The following SUN2 variants were observed in gnomAD, a reference collection of about 807,000 sequenced individuals.
SUN2 encodes the protein SUN domain-containing protein 2.
A neutral mutation model predicts 100.0 loss-of-function variants in SUN2; 60 were observed. That is an observed-to-expected ratio of 0.60 (90% CI 0.49 to 0.74). The LOEUF (loss-of-function observed/expected upper bound fraction) is 0.74. SUN2 is among the 30% of genes least tolerant of loss of function. The probability of loss-of-function intolerance (pLI) is 0.00; values close to 1 mark genes in which losing one functional copy is unlikely to be tolerated. For synonymous variants in SUN2, 367 were observed against 403.3 expected, an observed-to-expected ratio of 0.91 and a Z score of 1.08; for missense variants, 834 against 954.6, an observed-to-expected ratio of 0.87 and a Z score of 1.66.
In SUN2 at chr22:38,739,481, T is replaced by A; in HGVS notation, c.1579-55A>T. ...AGCAGGGAGCAGACGTGTCCCCCTG[T>A]CACCTCGTGGCCGTGGGCCAAGGAC... On this transcript the variant is annotated intron_variant, in intron 13 of 17. Coordinates refer to ENST00000689035, the MANE Select transcript of SUN2 (RefSeq NM_015374.3). This position sits in a 1 kb window ranked among gnomAD's most constrained non-coding sequence, Gnocchi z 6.7. 6.3e-7 allele frequency: 1 copy of A among 1,590,118 alleles called. No homozygotes were observed. Among genetic ancestry groups the A allele is most frequent in the Non-Finnish European group, 8.6e-7 (1 of 1,161,654 alleles).
In SUN2 at chr22:38,739,246, T is replaced by C; in HGVS notation, c.1663+96A>G. The C allele has an allele frequency of 7.3e-7, 1 of 1,368,088 alleles. No homozygotes were observed. Among genetic ancestry groups the C allele is most frequent in the Non-Finnish European group, 1.0e-6 (1 of 958,364 alleles). The allele number at this position is 1,368,088 out of a possible 1,614,324, so 84.7% of individuals were successfully genotyped here. A position where few individuals can be genotyped will look rare whatever the true frequency, so the allele number is the denominator to read the frequency against. On this transcript the variant is annotated intron_variant, in intron 14 of 17. Transcript: ENST00000689035. The surrounding 1 kb of genome is among the most constrained non-coding windows in gnomAD (Gnocchi z 6.7). ...GGGTGATTTCTGCTGATCCTGAGCT[T>C]TGCTTGCTCTGCCCCACCACCAACC...
Position 38,738,444 on chromosome 22 carries a change from G to A in SUN2, c.1947+143C>T. The A allele has an allele frequency of 8.2e-7, 1 of 1,213,236 alleles. No homozygotes were observed. The allele number at this position is 1,213,236 out of a possible 1,614,324, so 75.2% of individuals were successfully genotyped here. On this transcript the variant is annotated intron_variant, in intron 16 of 17. Coordinates refer to ENST00000689035, the MANE Select transcript of SUN2 (RefSeq NM_015374.3). The surrounding 1 kb of genome is among the most constrained non-coding windows in gnomAD (Gnocchi z 6.6). ...AGCCTAAGGTAACAGGGACTGAAGT[G>A]CTGTCTCCCACCCTAGCTCCTCCTC...
chr22:38,748,621 C>T, intron 7 of SUN2, 92 bp downstream of exon 7: 1 of 1,441,556 alleles, frequency 6.9e-7, no homozygotes, highest in South Asian at 1.1e-5. Context: ...GCACACCCCA[C>T]CCAGTCTTGC....
At chr22:38,753,365 G>A (rs563109916) in intron 1 of SUN2, among the ~76,000 whole-genome samples, 15 of 151,724 alleles carry the variant, frequency 9.9e-5, no homozygotes, top group African/African-American at 2.7e-4. Flanking sequence ...ACAGGTGTGC[G>A]CCACCGGGAC....
Position 38,751,268 on chromosome 22 carries a change from G to A in SUN2, c.228C>T (p.His76=), listed in dbSNP as rs776253942. 6.8e-6 allele frequency: 11 copies of A among 1,614,026 alleles called. 1 individual carries two copies. Among genetic ancestry groups the A allele is most frequent in the South Asian group, 5.5e-5 (5 of 91,086 alleles). ...HTSYYSESLV[H]ESWFPPRSSL... Reference sequence around the variant, plus strand: ...AGCTCCTGGGTGGGAACCAGGACTCGTGGACCAGCGACTCACTGTAGTAGG... The same window carrying A: ...AGCTCCTGGGTGGGAACCAGGACTCATGGACCAGCGACTCACTGTAGTAGG... Residue 76 remains histidine (H), a synonymous_variant, in exon 3 of 18, where the codon CAC becomes CAT. Coordinates refer to ENST00000689035, the MANE Select transcript of SUN2 (RefSeq NM_015374.3).
chr22:38,751,253 T>G lies in SUN2; in HGVS notation c.243A>C (p.Pro81=), dbSNP rs745316329. The G allele has an allele frequency of 7.4e-6, 12 of 1,613,734 alleles. No individual in the cohort carries two copies. In the Admixed American group the frequency reaches 1.0e-4, roughly 13 times the overall value. The stretch of plus-strand genomic sequence containing the variant: ...GCAGTTCCTCCAGGGAGCTCCTGGG[T>G]GGGAACCAGGACTCGTGGACCAGCG... ...SESLVHESWF[P]PRSSLEELHG... Residue 81 remains proline, a synonymous_variant, in exon 3 of 18, where the codon CCA becomes CCC. Coordinates refer to ENST00000689035, the MANE Select transcript of SUN2 (RefSeq NM_015374.3).
At chr22:38,744,953 C>T (rs983147928) in intron 8 of SUN2, 1 of 437,424 alleles carries the variant, frequency 2.3e-6, no homozygotes, top group South Asian at 1.7e-5. Flanking sequence ...TCACTCCTCC[C>T]TGCAGCCGCA....
intron 2 of SUN2, among the ~76,000 whole-genome samples, chr22:38,751,972 C>CT (rs1331804817): frequency 2.6e-5 from 4 of 152,134 alleles, no homozygotes; most frequent in Non-Finnish European, 4.4e-5. Context: ...TCTTTCTTTC[C>CT]TTTTTTTCTT....
At position 38,737,109 on chromosome 22, in the gene SUN2, A is replaced by C. The variant is rs1315928126; in HGVS notation, c.2041-729T>G. On this transcript the variant is annotated intron_variant, in intron 17 of 17. Transcript: ENST00000689035. The surrounding 1 kb of genome is among the most constrained non-coding windows in gnomAD (Gnocchi z 4.1). ...CAATCCCCTCGCCTTGGCCTTGCAAAGTGCTGGAATTACAGACATGAGCCA... is the reference window on the plus strand; with the variant it reads ...CAATCCCCTCGCCTTGGCCTTGCAACGTGCTGGAATTACAGACATGAGCCA... Among the ~76,000 whole-genome samples, 1 of 152,136 alleles carries C rather than the reference A, an allele frequency of 6.6e-6. No homozygotes were observed. The highest frequency in any genetic ancestry group is 1.5e-5 in the Non-Finnish European group (1 of 68,032).
intron 6 of SUN2, 124 bp downstream of exon 6, chr22:38,749,642 A>T: frequency 1.1e-6 from 1 of 890,500 alleles, no homozygotes; most frequent in South Asian, 1.7e-5. Context: ...CGTGATCGCT[A>T]ATAAAGGCTC....
rs1333014577 is a variant in SUN2, at chr22:38,736,379, G to A, written c.2042C>T (p.Ala681Val). The A allele has an allele frequency of 6.2e-7, 1 of 1,611,904 alleles. No individual in the cohort carries two copies. The highest frequency in any genetic ancestry group is 2.2e-5 in the East Asian group (1 of 44,844). Residue 681 changes from alanine (A) to valine (V), a missense_variant and splice_region_variant, in exon 18 of 18, where the codon GCC becomes GTC. Physicochemically the swap from Ala to Val is moderately conservative, Grantham distance 64. Coordinates refer to ENST00000689035, the MANE Select transcript of SUN2 (RefSeq NM_015374.3). The part of the protein sequence containing the change: ...GEPIQTFHFQ[A>V]PTMATYQVVE... ...CACCTGGTACGTGGCCATCGTAGGG[G>A]CCTGGGTAGAGAAGAAAGGGATTAA...
At chr22:38,749,355 C>T (rs145041292) in intron 6 of SUN2, among the ~76,000 whole-genome samples, 11 of 152,214 alleles carry the variant, frequency 7.2e-5, no homozygotes, top group African/African-American at 2.4e-4. Flanking sequence ...GTGGGGAACT[C>T]GGGGGGTTAG....
At position 38,740,927 on chromosome 22, in the gene SUN2, G is replaced by A. The variant is rs780852272; in HGVS notation, c.1190+80C>T. The stretch of plus-strand genomic sequence containing the variant: ...AGATGATCAGAACTCTCTGCTCTGC[G>A]GCTCTGCTCCCCAGTCCTGCCTGGA... On this transcript the variant is annotated intron_variant, in intron 11 of 17. Coordinates refer to ENST00000689035, the MANE Select transcript of SUN2 (RefSeq NM_015374.3). The surrounding 1 kb of genome is among the most constrained non-coding windows in gnomAD (Gnocchi z 4.8). The A allele has an allele frequency of 1.4e-6, 2 of 1,419,310 alleles. No homozygotes were observed. The highest frequency in any genetic ancestry group is 2.5e-5 in the South Asian group (2 of 81,572). 87.9% of individuals were successfully genotyped at this position (1,419,310 alleles called of 1,614,324 possible).
intron 2 of SUN2, among the ~76,000 whole-genome samples, chr22:38,751,710 CG>C (rs2092947103): frequency 6.6e-6 from 1 of 152,098 alleles, no homozygotes. Flanking sequence ...GCCTGTGAGC[CG>C]GGCAGGACGA....
chr22:38,740,921 C>A lies in SUN2; in HGVS notation c.1190+86G>T, dbSNP rs760356340. 18 of 1,384,680 alleles carry A rather than the reference C, an allele frequency of 1.3e-5. No individual in the cohort carries two copies. The highest frequency in any genetic ancestry group is 1.8e-5 in the Non-Finnish European group (18 of 1,000,660). 85.8% of individuals were successfully genotyped at this position (1,384,680 alleles called of 1,614,324 possible). A position where few individuals can be genotyped will look rare whatever the true frequency, so the allele number is the denominator to read the frequency against. On this transcript the variant is annotated intron_variant, in intron 11 of 17. Transcript: ENST00000689035. This position sits in a 1 kb window ranked among gnomAD's most constrained non-coding sequence, Gnocchi z 4.8. Reference sequence around the variant, plus strand: ...TTGGCAAGATGATCAGAACTCTCTGCTCTGCGGCTCTGCTCCCCAGTCCTG... The same window carrying A: ...TTGGCAAGATGATCAGAACTCTCTGATCTGCGGCTCTGCTCCCCAGTCCTG...
Position 38,735,087 on chromosome 22 carries a change from T to G in SUN2, c.*1180A>C. ...AGGAATCAAGCCCTTAGCTTTTCAG[T>G]TAGAAAAACAGACCTTGAAAAATAT... On this transcript the variant is annotated 3_prime_UTR_variant, in exon 18 of 18. Coordinates refer to ENST00000689035, the MANE Select transcript of SUN2 (RefSeq NM_015374.3). 1 of 323,960 alleles carries G rather than the reference T, an allele frequency of 3.1e-6. No homozygotes were observed. Among genetic ancestry groups the G allele is most frequent in the Non-Finnish European group, 6.1e-6 (1 of 163,732 alleles). The allele number at this position is 323,960 out of a possible 1,614,324, so 20.1% of individuals were successfully genotyped here.
intron 7 of SUN2, 105 bp from the exon 8 acceptor site, chr22:38,745,916 C>T: frequency 2.0e-6 from 3 of 1,488,008 alleles, no homozygotes; most frequent in Non-Finnish European, 9.0e-7. Flanking sequence ...GCCTGTCCCA[C>T]TCGTGGAGCT....
rs780635160 is a variant in SUN2, at chr22:38,738,704, G to A, written c.1830C>T (p.Phe610=). Residue 610 remains phenylalanine, a synonymous_variant, in exon 16 of 18, where the codon TTC becomes TTT. Transcript: ENST00000689035. This position sits in a 1 kb window ranked among gnomAD's most constrained non-coding sequence, Gnocchi z 6.6. ...TGCGGGCAGAGAGGCGGACCACGGC[G>A]AAGCCTTGTGGCCCCTGGAAGGCCC... ...NCWAFQGPQG[F]AVVRLSARIR... is the part of the protein sequence containing the mutation. 28 of 1,613,566 alleles carry A rather than the reference G, an allele frequency of 1.7e-5. No homozygotes were observed. The highest frequency in any genetic ancestry group is 1.6e-4 in the South Asian group (15 of 91,092).
rs928655911 is a variant in SUN2 at position 38,740,954 on chromosome 22, AGT to A, written c.1190+51_1190+52del. 6.5e-7 allele frequency: 1 copy of A among 1,538,920 alleles called. No individual in the cohort carries two copies. The highest frequency in any genetic ancestry group is 8.8e-7 in the Non-Finnish European group (1 of 1,133,068). On this transcript the variant is annotated intron_variant, in intron 11 of 17. Coordinates refer to ENST00000689035, the MANE Select transcript of SUN2 (RefSeq NM_015374.3). The surrounding 1 kb of genome is among the most constrained non-coding windows in gnomAD (Gnocchi z 4.8). The stretch of plus-strand genomic sequence containing the variant: ...CTCTGCTCCCCAGTCCTGCCTGGAG[AGT>A]GGGTGGGGCTGGGGAGGAGCAGGCC...
Sources: gnomAD v4.1 joint callset for allele counts (sites outside exome capture counted in the v4.1 genomes callset) on GRCh38, gnomAD v4.1.1 for gene constraint, Gnocchi (gnomAD v3.1) non-coding constraint, MANE v1.5 for transcripts, NCBI Gene and HGNC (gene_info 2026-07-23, HGNC 2026-07-21) for gene names.